Variants in LPP observed in about 807,000 individuals in gnomAD.
LPP encodes the protein lipoma-preferred partner.
In LPP, 38 loss-of-function variants were observed where a neutral mutation model predicts 60.4. The observed-to-expected ratio is 0.63, with a 90% CI of 0.49 to 0.83. The LOEUF (loss-of-function observed/expected upper bound fraction) is 0.83. Ranked by LOEUF, LPP falls within the 40% of genes least tolerant of loss-of-function variation. The pLI is 0.00. For synonymous variants in LPP, 328 were observed against 290.8 expected, an observed-to-expected ratio of 1.13 and a Z score of -1.30; for missense variants, 902 against 783.6, an observed-to-expected ratio of 1.15 and a Z score of -1.80.
chr3:188,567,891 T>C (rs1832573826), intron 6 of LPP, among the ~76,000 whole-genome samples: 1 of 152,038 alleles, frequency 6.6e-6, no homozygotes, highest in Non-Finnish European at 1.5e-5. Context: ...GGTGATTTGT[T>C]GCTGGCAGAG....
chr3:188,206,078 G>T (rs1234570954), intron 1 of LPP, among the ~76,000 whole-genome samples: 1 of 152,206 alleles, frequency 6.6e-6, no homozygotes, highest in Non-Finnish European at 1.5e-5. Context: ...GTCACGAGAT[G>T]TGACGGGTCT....
chr3:188,308,650 A>T, intron 2 of LPP, among the ~76,000 whole-genome samples: 1 of 152,190 alleles, frequency 6.6e-6, no homozygotes, highest in Non-Finnish European at 1.5e-5. Flanking sequence ...ACGATGAAGC[A>T]ACTAAGAGCC....
chr3:188,814,516 C>T (rs900387698), intron 9 of LPP, among the ~76,000 whole-genome samples: 5 of 152,164 alleles, frequency 3.3e-5, no homozygotes, highest in East Asian at 1.9e-4. Flanking sequence ...ACTGAAATTC[C>T]GCCCAACTGC....
chr3:188,802,119 C>G (rs951150215), intron 9 of LPP, among the ~76,000 whole-genome samples: 3 of 152,090 alleles, frequency 2.0e-5, no homozygotes, highest in Admixed American at 1.3e-4. Flanking sequence ...TTTTCAATCT[C>G]TCTGAAATAT....
At chr3:188,393,067 A>G (rs2148706167) in intron 3 of LPP, among the ~76,000 whole-genome samples, 1 of 151,286 alleles carries the variant, frequency 6.6e-6, no homozygotes, top group South Asian at 2.1e-4. Context: ...ATCAGGCAAC[A>G]TATTGTCCTT....
intron 9 of LPP, among the ~76,000 whole-genome samples, chr3:188,789,172 A>C (rs1053042280): frequency 6.6e-6 from 1 of 152,122 alleles, no homozygotes; most frequent in Non-Finnish European, 1.5e-5. Context: ...GCTATTGCAC[A>C]CTTAATAGAC....
chr3:188,519,606 T>A (rs1267077882), intron 5 of LPP, among the ~76,000 whole-genome samples: 1 of 152,092 alleles, frequency 6.6e-6, no homozygotes, highest in South Asian at 2.1e-4. Flanking sequence ...AGTGTGAGAA[T>A]GGTTTTGAAA....
At chr3:188,741,208 C>A (rs779339695) in intron 8 of LPP, among the ~76,000 whole-genome samples, 5 of 151,012 alleles carry the variant, frequency 3.3e-5, no homozygotes, top group Non-Finnish European at 5.9e-5. Flanking sequence ...CCTTGATACA[C>A]TTGGTCCCAC....
chr3:188,782,004 G>A (rs771850258), intron 9 of LPP, among the ~76,000 whole-genome samples: 10 of 152,038 alleles, frequency 6.6e-5, no homozygotes, highest in Non-Finnish European at 1.5e-4. Flanking sequence ...GATTTGGGTG[G>A]GGACACAGCC....
chr3:188,765,886 T>TTTTTTTTG (rs1257405569), intron 9 of LPP, among the ~76,000 whole-genome samples: 1 of 109,824 alleles, frequency 9.1e-6, no homozygotes, highest in African/African-American at 3.4e-5. Context: ...TTTTTTTTTT[T>TTTTTTTTG]TGGAGACAGG....
intron 5 of LPP, among the ~76,000 whole-genome samples, chr3:188,494,820 C>T (rs1809460196): frequency 1.3e-5 from 2 of 151,892 alleles, no homozygotes; most frequent in African/African-American, 4.8e-5. Context: ...CTGTGGCCCA[C>T]TTAAATCCTC....
At position 188,703,914 on chromosome 3, in the gene LPP, A is replaced by G. The variant is rs375724207; in HGVS notation, c.1114-4353A>G. Among the ~76,000 whole-genome samples, 14 of 152,296 alleles carry G rather than the reference A, an allele frequency of 9.2e-5. 1 individual carries two copies. Among genetic ancestry groups the G allele is most frequent in the East Asian group, 3.9e-4 (2 of 5,180 alleles). On this transcript the variant is annotated intron_variant, in intron 7 of 11. Transcript: ENST00000617246. ...GATCGGCCTTCTTGCTGCCTTGTCT[A>G]TATTGAAAGGGAAACTGATATTAGG...
chr3:188,410,030 A>T (rs1185329302), intron 4 of LPP, among the ~76,000 whole-genome samples: 2 of 152,080 alleles, frequency 1.3e-5, no homozygotes, highest in East Asian at 3.9e-4. Context: ...TCTTATGACA[A>T]TGTGTTTTTT....
At chr3:188,730,204 G>C (rs993196570) in intron 8 of LPP, among the ~76,000 whole-genome samples, 6 of 152,154 alleles carry the variant, frequency 3.9e-5, no homozygotes, top group African/African-American at 1.4e-4. Context: ...TCAAGATCCT[G>C]ATGCTTACTT....
At chr3:188,432,108 A>G (rs2149161214) in intron 4 of LPP, among the ~76,000 whole-genome samples, 1 of 152,198 alleles carries the variant, frequency 6.6e-6, no homozygotes, top group African/African-American at 2.4e-5. Flanking sequence ...CATTATTTGA[A>G]GTTTGGTACT....
intron 4 of LPP, among the ~76,000 whole-genome samples, chr3:188,476,753 A>T (rs1171394126): frequency 6.6e-6 from 1 of 152,208 alleles, no homozygotes; most frequent in Non-Finnish European, 1.5e-5. Flanking sequence ...AATTTTTCTA[A>T]TGTATAAAAG....
At chr3:188,845,694 A>C (rs1761222075) in intron 9 of LPP, among the ~76,000 whole-genome samples, 1 of 152,042 alleles carries the variant, frequency 6.6e-6, no homozygotes, top group Admixed American at 6.6e-5. Context: ...ATGCACTGGA[A>C]CTCAGAGCAC....
intron 6 of LPP, among the ~76,000 whole-genome samples, chr3:188,537,402 T>C (rs189404334): frequency 5.1e-4 from 78 of 152,344 alleles, no homozygotes; most frequent in African/African-American, 1.8e-3. Context: ...AATCAGTATT[T>C]TGAAAGTTGT....
intron 2 of LPP, among the ~76,000 whole-genome samples, chr3:188,255,523 C>T (rs1201052317): frequency 1.3e-5 from 2 of 152,156 alleles, no homozygotes; most frequent in African/African-American, 4.8e-5. Context: ...TGACCTCCTC[C>T]ACACACCCCC....
Sources: gnomAD v4.1 joint callset for allele counts (sites outside exome capture counted in the v4.1 genomes callset) on GRCh38, gnomAD v4.1.1 for gene constraint, MANE v1.5 for transcripts, NCBI Gene and HGNC (gene_info 2026-07-23, HGNC 2026-07-21) for gene names.